PTPRH: variants seen among roughly 807,000 people sequenced by gnomAD.
PTPRH encodes the protein receptor-type tyrosine-protein phosphatase H.
Under a neutral mutation model 130.2 loss-of-function variants are expected in PTPRH, and 113 were observed. The observed-to-expected ratio is 0.87, with a 90% confidence interval of 0.75 to 1.01. The LOEUF (loss-of-function observed/expected upper bound fraction) is 1.01. Ranked by LOEUF, PTPRH falls within the 50% of genes least tolerant of loss-of-function variation. The pLI, the probability that PTPRH is intolerant of heterozygous loss-of-function variation, is 0.00. For synonymous variants in PTPRH, 556 were observed against 577.9 expected (o/e 0.96, Z 0.54); for missense variants, 1,430 against 1,425.0 (o/e 1.00, Z -0.06).
intron 10 of PTPRH, among the ~76,000 whole-genome samples, chr19:55,192,693 C>T (rs887205402): frequency 2.0e-5 from 3 of 150,734 alleles, no homozygotes; most frequent in Admixed American, 6.6e-5. Context: ...CTGGGACTAC[C>T]GGTGCCCGCC....
At chr19:55,207,593 G>A (rs1353557099) in intron 1 of PTPRH, among the ~76,000 whole-genome samples, 1 of 151,840 alleles carries the variant, frequency 6.6e-6, no homozygotes, top group Non-Finnish European at 1.5e-5. Context: ...CTGGGGGCCT[G>A]GGTCTGAGGG....
rs199814841 is a variant in PTPRH at position 55,204,078 on chromosome 19, G to C, written c.620-30C>G. 3.5e-5 allele frequency: 56 copies of C among 1,591,000 alleles called. No homozygotes were observed. In the South Asian group the frequency reaches 5.9e-4, roughly 17 times the overall value. On this transcript the variant is annotated intron_variant, in intron 4 of 19. Coordinates refer to ENST00000376350, the MANE Select transcript of PTPRH (RefSeq NM_002842.5). ...GAAATTAGGAAGAAAGATCTAATAT[G>C]AGCAGGACTACAGAACATAACGGGG... is the stretch of plus-strand genomic sequence containing the variant.
In PTPRH at chr19:55,202,246, A is replaced by G. The variant is rs10416122; in HGVS notation, c.963T>C (p.Asp321=). 160,563 of 1,613,682 alleles carry G rather than the reference A, an allele frequency of 0.1. 8,576 individuals carry two copies. Among genetic ancestry groups the G allele is most frequent in the African/African-American group, 0.13 (9,896 of 74,992 alleles). ...AGGTGGAGTTCTGTGGGTCTGGGCC[A>G]TCGGGGACCTCCCAGGTCAGGGCGA... ...SSIALTWEVP[D]GPDPQNSTYG... The change falls in exon 6 of 20, where the codon GAT becomes GAC. Residue 321 remains aspartate, a synonymous_variant. Transcript: ENST00000376350.
chr19:55,186,647 A>AGAGAGGCACAGAGACAAGACCACAGGC (rs2086345511), intron 14 of PTPRH, 107 bp from the exon 15 acceptor site: 1 of 438,890 alleles, frequency 2.3e-6, no homozygotes, highest in African/African-American at 2.8e-4. Flanking sequence ...ACCAAGACCC[A>AGAGAGGCACAGAGACAAGACCACAGGC]TGGACAAAAG....
Position 55,187,627 on chromosome 19 carries a change from AC to A in PTPRH, c.2476-25del, listed in dbSNP as rs778602429. 21 of 1,561,376 alleles carry A rather than the reference AC, an allele frequency of 1.3e-5. No individual in the cohort carries two copies. The South Asian group carries it at 2.2e-4, about 17-fold the overall frequency. ...TGCTGGGGATGCAGGGAGAGGGGGT[AC>A]CTGGTGTTGGATTTTCTCTACTTTC... On this transcript the variant is annotated intron_variant, in intron 13 of 19. Coordinates refer to ENST00000376350, the MANE Select transcript of PTPRH (RefSeq NM_002842.5).
intron 10 of PTPRH, among the ~76,000 whole-genome samples, chr19:55,192,320 T>C (rs1009098562): frequency 6.6e-6 from 1 of 151,640 alleles, no homozygotes; most frequent in African/African-American, 2.4e-5. Context: ...GAGAATGGCG[T>C]GAACCCGGGA....
intron 6 of PTPRH, among the ~76,000 whole-genome samples, chr19:55,201,038 G>T (rs1452852261): frequency 2.0e-5 from 3 of 152,140 alleles, no homozygotes; most frequent in African/African-American, 7.2e-5. Flanking sequence ...GGTCATAAAG[G>T]TGAAGCCTTT....
intron 12 of PTPRH, among the ~76,000 whole-genome samples, chr19:55,191,064 G>A (rs2086521350): frequency 6.6e-6 from 1 of 152,138 alleles, no homozygotes; most frequent in Admixed American, 6.6e-5. Flanking sequence ...GGATGGTCTT[G>A]ATCTCCTGAC....
intron 3 of PTPRH, 112 bp from the exon 4 acceptor site, chr19:55,205,704 A>G (rs1277291733): frequency 1.1e-5 from 16 of 1,494,452 alleles, no homozygotes; most frequent in Non-Finnish European, 1.3e-5. Flanking sequence ...CCAGCTCTGC[A>G]CTGTCCAGTG....
chr19:55,182,779 C>G (rs1224250754), intron 18 of PTPRH, among the ~76,000 whole-genome samples: 1 of 152,068 alleles, frequency 6.6e-6, no homozygotes, highest in East Asian at 1.9e-4. Flanking sequence ...TTAGTAATTC[C>G]TTTAAACACA....
chr19:55,191,930 CT>C (rs1455242310), intron 10 of PTPRH, 189 bp from the exon 11 acceptor site: 1 of 683,244 alleles, frequency 1.5e-6, no homozygotes, highest in East Asian at 2.8e-5. Context: ...TCCTCCACCC[CT>C]GAGACAGCAA....
chr19:55,200,858 G>A (rs1029759143), intron 6 of PTPRH, among the ~76,000 whole-genome samples: 6 of 152,004 alleles, frequency 3.9e-5, no homozygotes, highest in African/African-American at 1.4e-4. Flanking sequence ...CAGGAGAATG[G>A]CGTGAACCCG....
In PTPRH at chr19:55,196,719, G is replaced by A. The variant is rs1295661825; in HGVS notation, c.2060C>T (p.Ser687Phe). Reference sequence around the variant, plus strand: ...GGCCTCGTAGCCTCCCTGGGGGCAGGACCAGATCAAGTTGACTCCATAGCC... The same window carrying A: ...GGCCTCGTAGCCTCCCTGGGGGCAGAACCAGATCAAGTTGACTCCATAGCC... ...SAGYGVNLIW[S>F]CPQGGYEAFE... The change falls in exon 10 of 20, where the codon TCC becomes TTC. Residue 687 changes from serine to phenylalanine, a missense_variant. Transcript: ENST00000376350. 1.2e-6 allele frequency: 2 copies of A among 1,613,982 alleles called. No homozygotes were observed. The highest frequency in any genetic ancestry group is 1.3e-5 in the African/African-American group (1 of 74,902).
rs781453532 is a variant in PTPRH at position 55,206,746 on chromosome 19, C to T, written c.295G>A (p.Val99Met). Reference protein sequence around the residue: ...LGPGSLYTCSVWVEKDGVNSS... With the variant: ...LGPGSLYTCSMWVEKDGVNSS... ...TTTACTCCGTCTTTCTCCACCCACA[C>T]AGAACACGTATACAATGACCCGGGT... Residue 99 changes from valine to methionine, a missense_variant, in exon 3 of 20, where the codon GTG becomes ATG. Physicochemically the swap from Val to Met is conservative, Grantham distance 21. Coordinates refer to ENST00000376350, the MANE Select transcript of PTPRH (RefSeq NM_002842.5). 6.2e-6 allele frequency: 10 copies of T among 1,613,876 alleles called. No homozygotes were observed. In the African/African-American group the frequency reaches 1.2e-4, roughly 19 times the overall value.
rs987708607 is a variant in PTPRH at position 55,190,990 on chromosome 19, C to T, written c.2384+511G>A. 3.3e-5 allele frequency among the ~76,000 whole-genome samples: 5 copies of T among 152,058 alleles called. No homozygotes were observed. In the East Asian group the frequency reaches 5.8e-4, roughly 18 times the overall value. ...CCAAGTAGCTGGGACTATAGGTGCC[C>T]GCCACCAAGCCTGGCTAATTTTTTG... On this transcript the variant is annotated intron_variant, in intron 12 of 19. Transcript: ENST00000376350.
chr19:55,187,389 A>G (rs927600058), intron 14 of PTPRH, 124 bp downstream of exon 14: 1 of 512,682 alleles, frequency 2.0e-6, no homozygotes. Flanking sequence ...AAAGGAAGAA[A>G]AAAAAAAGGA....
intron 5 of PTPRH, among the ~76,000 whole-genome samples, chr19:55,203,420 CTTCT>C (rs1472914025): frequency 9.4e-6 from 1 of 105,902 alleles, no homozygotes; most frequent in Non-Finnish European, 1.9e-5. Context: ...TCCTTCCTTC[CTTCT>C]TTCTTTTTTG....
Position 55,196,593 on chromosome 19 carries a change from G to T in PTPRH, c.2186C>A (p.Ala729Asp). 2.5e-6 allele frequency: 4 copies of T among 1,613,626 alleles called. No individual in the cohort carries two copies. Among genetic ancestry groups the T allele is most frequent in the Non-Finnish European group, 2.5e-6 (3 of 1,179,962 alleles). The change falls in exon 10 of 20, where the codon GCC becomes GAC. Residue 729 changes from alanine (A) to aspartate (D), a missense_variant. Physicochemically the swap from Ala to Asp is moderately radical, Grantham distance 126. Transcript: ENST00000376350. ...LGLGPARSYP[A>D]TITTIWDGMK... is the part of the protein sequence containing the mutation. ...TCCGTCCCAGATGGTCGTGATGGTGGCTGGGTAGGACCGAGCCGGCCCGAG... is the reference window on the plus strand; with the variant it reads ...TCCGTCCCAGATGGTCGTGATGGTGTCTGGGTAGGACCGAGCCGGCCCGAG...
At chr19:55,191,976 G>A (rs544465360) in intron 10 of PTPRH, 32 of 649,098 alleles carry the variant, frequency 4.9e-5, no homozygotes, top group South Asian at 3.6e-4. Context: ...CTCCTCCTCC[G>A]CCTACTCAAC....
Sources: allele counts gnomAD v4.1 joint callset (sites outside exome capture counted in the v4.1 genomes callset), GRCh38; gene constraint gnomAD v4.1.1; transcripts MANE v1.5; gene names NCBI Gene and HGNC (gene_info 2026-07-23, HGNC 2026-07-21).